PCDHGA3: variants seen among roughly 807,000 people sequenced by gnomAD.
PCDHGA3 encodes the protein protocadherin gamma subfamily A, 3, also known as protocadherin gamma-A3.
Under a neutral mutation model 58.5 loss-of-function variants are expected in PCDHGA3, and 40 were observed. That is an observed-to-expected ratio of 0.68 (90% CI 0.53 to 0.89). PCDHGA3 has a LOEUF of 0.89. PCDHGA3 is among the 40% of genes least tolerant of loss of function. PCDHGA3 has a pLI of 0.00. For synonymous variants in PCDHGA3, 530 were observed against 525.7 expected, an observed-to-expected ratio of 1.01 and a Z score of -0.11; for missense variants, 1,223 against 1,195.9, an observed-to-expected ratio of 1.02 and a Z score of -0.33.
Position 141,344,973 on chromosome 5 carries a change from T to C in PCDHGA3, c.940T>C (p.Phe314Leu), listed in dbSNP as rs1348314903. 1 of 1,613,876 alleles carries C rather than the reference T, an allele frequency of 6.2e-7. No individual in the cohort carries two copies. Among genetic ancestry groups the C allele is most frequent in the Non-Finnish European group, 8.5e-7 (1 of 1,179,788 alleles). ...AAGTCTAGATTATGAGGATGCCATG[T>C]TCTATGAAATTAAAATTGAAGCACA... ...LKSLDYEDAM[F>L]YEIKIEAQDG... The change falls in exon 1 of 4, where the codon TTC becomes CTC. Residue 314 changes from phenylalanine to leucine, a missense_variant. Transcript: ENST00000253812.
At position 141,389,973 on chromosome 5, in the gene PCDHGA3, A is replaced by C. The variant is rs375422602; in HGVS notation, c.2424+43516A>C. On this transcript the variant is annotated intron_variant, in intron 1 of 3. Coordinates refer to ENST00000253812, the MANE Select transcript of PCDHGA3 (RefSeq NM_018916.4). Reference sequence around the variant, plus strand: ...TTACCTAGTGGTGGCCTTGGCCTTGATCTCAGTGCTCTTCCTCGTGGCCAT... The same window carrying C: ...TTACCTAGTGGTGGCCTTGGCCTTGCTCTCAGTGCTCTTCCTCGTGGCCAT... 82 of 1,613,684 alleles carry C rather than the reference A, an allele frequency of 5.1e-5. No homozygotes were observed. The highest frequency in any genetic ancestry group is 6.5e-5 in the Non-Finnish European group (77 of 1,179,850).
chr5:141,365,451 G>A lies in PCDHGA3; in HGVS notation c.2424+18994G>A, dbSNP rs553043540. 116 of 1,614,042 alleles carry A rather than the reference G, an allele frequency of 7.2e-5. No homozygotes were observed. In the Admixed American group the frequency reaches 1.8e-3, roughly 25 times the overall value. On this transcript the variant is annotated intron_variant, in intron 1 of 3. Coordinates refer to ENST00000253812, the MANE Select transcript of PCDHGA3 (RefSeq NM_018916.4). The stretch of plus-strand genomic sequence containing the variant: ...ATCGCGCTGTTTAGCGTACATGATG[G>A]TGATTCTGGAGAAAATGGTGAGATT...
chr5:141,375,640 C>T (rs1375647493), intron 1 of PCDHGA3: 1 of 1,614,226 alleles, frequency 6.2e-7, no homozygotes, highest in Non-Finnish European at 8.5e-7. Flanking sequence ...CCCTGCGCTC[C>T]TTCGACTATG....
rs199658498 is a variant in PCDHGA3 at position 141,394,428 on chromosome 5, G to C, written c.2424+47971G>C. 4 of 1,614,114 alleles carry C rather than the reference G, an allele frequency of 2.5e-6. No individual in the cohort carries two copies. In the East Asian group the frequency reaches 6.7e-5, roughly 27 times the overall value. ...ACTGGTAACAGCCAGCGACAGCGGGGACCCGCCCCTCAGCAGCAACATGTC... is the reference window on the plus strand; with the variant it reads ...ACTGGTAACAGCCAGCGACAGCGGGCACCCGCCCCTCAGCAGCAACATGTC... On this transcript the variant is annotated intron_variant, in intron 1 of 3. Coordinates refer to ENST00000253812, the MANE Select transcript of PCDHGA3 (RefSeq NM_018916.4).
chr5:141,402,223 T>C (rs1329025694), intron 1 of PCDHGA3, among the ~76,000 whole-genome samples: 1 of 152,054 alleles, frequency 6.6e-6, no homozygotes, highest in Non-Finnish European at 1.5e-5. Context: ...AAATAAACGT[T>C]TTTCCAGGAA....
chr5:141,438,811 G>T (rs2098067148), intron 1 of PCDHGA3, among the ~76,000 whole-genome samples: 1 of 149,790 alleles, frequency 6.7e-6, no homozygotes, highest in East Asian at 2.0e-4. Context: ...ACAGGCGCCT[G>T]TCACCATGCC....
intron 1 of PCDHGA3, chr5:141,423,661 G>A: frequency 1.3e-6 from 2 of 1,555,760 alleles, no homozygotes; most frequent in Non-Finnish European, 1.7e-6. Flanking sequence ...AAGTAATCAG[G>A]TGAGATTTAT....
At position 141,346,986 on chromosome 5, in the gene PCDHGA3, CT is replaced by C. The variant is rs1390354893; in HGVS notation, c.2424+536del. On this transcript the variant is annotated intron_variant, in intron 1 of 3. Coordinates refer to ENST00000253812, the MANE Select transcript of PCDHGA3 (RefSeq NM_018916.4). ...GACTCCTTCCAAGACAGGTGACACTCTTTTTTTCTTTCTCCTTCCTTCCTTC... is the reference window on the plus strand; with the variant it reads ...GACTCCTTCCAAGACAGGTGACACTCTTTTTTCTTTCTCCTTCCTTCCTTC... 4.6e-5 allele frequency among the ~76,000 whole-genome samples: 7 copies of C among 152,098 alleles called. No individual in the cohort carries two copies. In the Middle Eastern group the frequency reaches 0.01, roughly 222 times the overall value.
intron 1 of PCDHGA3, chr5:141,372,002 C>T (rs1010544928): frequency 3.1e-6 from 5 of 1,613,170 alleles, no homozygotes; most frequent in Non-Finnish European, 4.2e-6. Context: ...AGGCCCGCGA[C>T]CAGGGCTCGC....
rs752730619 is a variant in PCDHGA3, at chr5:141,374,101, G to T, written c.2424+27644G>T. On this transcript the variant is annotated intron_variant, in intron 1 of 3. Coordinates refer to ENST00000253812, the MANE Select transcript of PCDHGA3 (RefSeq NM_018916.4). Reference sequence around the variant, plus strand: ...AGCCAGTAATGGCGCCTCCGCAGAGGCATCCGCAGCGCAGCGAGCAGGTCC... The same window carrying T: ...AGCCAGTAATGGCGCCTCCGCAGAGTCATCCGCAGCGCAGCGAGCAGGTCC... 2 of 1,565,390 alleles carry T rather than the reference G, an allele frequency of 1.3e-6. No individual in the cohort carries two copies. The highest frequency in any genetic ancestry group is 1.7e-6 in the Non-Finnish European group (2 of 1,154,124).
chr5:141,503,400 A>C (rs2099819725), intron 2 of PCDHGA3, among the ~76,000 whole-genome samples: 1 of 151,750 alleles, frequency 6.6e-6, no homozygotes, highest in Non-Finnish European at 1.5e-5. Context: ...TTCGAAACCA[A>C]CCTGGCCAAT....
intron 1 of PCDHGA3, chr5:141,355,836 C>T (rs1343860462): frequency 6.2e-7 from 1 of 1,612,432 alleles, no homozygotes; most frequent in East Asian, 2.2e-5. Flanking sequence ...ACCTCGTTCT[C>T]ACGGCCTTCG....
chr5:141,372,653 T>A, intron 1 of PCDHGA3: 1 of 1,614,032 alleles, frequency 6.2e-7, no homozygotes. Context: ...ATTCCTACAA[T>A]CCGTGTGCTG....
chr5:141,383,038 G>C, intron 1 of PCDHGA3: 1 of 1,613,858 alleles, frequency 6.2e-7, no homozygotes, highest in Non-Finnish European at 8.5e-7. Flanking sequence ...CTTTGTGGGA[G>C]ACATCGCCAA....
intron 1 of PCDHGA3, chr5:141,351,893 C>A: frequency 3.7e-6 from 6 of 1,613,414 alleles, no homozygotes; most frequent in African/African-American, 1.3e-5. Context: ...CGTGAGCCTG[C>A]GCGTGTTGGT....
intron 1 of PCDHGA3, among the ~76,000 whole-genome samples, chr5:141,443,085 G>A (rs991288098): frequency 3.9e-5 from 6 of 151,916 alleles, no homozygotes; most frequent in Admixed American, 2.6e-4. Flanking sequence ...GAGTGTTCCA[G>A]TCTCCTTCTC....
Position 141,489,552 on chromosome 5 carries a change from G to T in PCDHGA3, c.2425-5255G>T, listed in dbSNP as rs2099688780. ...GTGGAGCCAGCACCAGCTGCCTGCTGCCAGTGCAGGTGGTGACTGAACACC... is the reference window on the plus strand; with the variant it reads ...GTGGAGCCAGCACCAGCTGCCTGCTTCCAGTGCAGGTGGTGACTGAACACC... On this transcript the variant is annotated intron_variant, in intron 1 of 3. Coordinates refer to ENST00000253812, the MANE Select transcript of PCDHGA3 (RefSeq NM_018916.4). The surrounding 1 kb of genome is among the most constrained non-coding windows in gnomAD (Gnocchi z 4.5). The T allele has an allele frequency of 6.2e-7, 1 of 1,613,988 alleles. No homozygotes were observed. The highest frequency in any genetic ancestry group is 1.7e-5 in the Admixed American group (1 of 60,000).
intron 1 of PCDHGA3, among the ~76,000 whole-genome samples, chr5:141,465,984 T>C (rs11953841): frequency 0.18 from 27,399 of 151,848 alleles, 2,640 homozygotes; most frequent in Admixed American, 0.28. Context: ...TAGCCGGGCA[T>C]GGTGGCAGGC....
chr5:141,415,599 C>G (rs201075690), intron 1 of PCDHGA3: 321 of 1,613,514 alleles, frequency 2.0e-4, no homozygotes, highest in South Asian at 6.6e-4. Context: ...TAGAGGATAC[C>G]CCATTGGTTC....
Sources: allele counts gnomAD v4.1 joint callset (sites outside exome capture counted in the v4.1 genomes callset), GRCh38; gene constraint gnomAD v4.1.1; non-coding constraint Gnocchi (gnomAD v3.1); transcripts MANE v1.5; gene names NCBI Gene and HGNC (gene_info 2026-07-23, HGNC 2026-07-21).